FHIT: variants seen among roughly 807,000 people sequenced by gnomAD.
FHIT encodes bis(5'-adenosyl)-triphosphatase.
A neutral mutation model predicts 17.9 loss-of-function variants in FHIT; 19 were observed. The ratio of observed to expected loss-of-function variants is 1.06; its 90% confidence interval spans 0.74 to 1.56. The LOEUF is 1.56. Among genes scored for constraint, FHIT ranks in the 40% most tolerant of loss-of-function variants. The pLI is 0.00. For missense variants in FHIT, 248 were observed against 189.2 expected (o/e 1.31, Z -1.82); for synonymous variants, 81 against 69.7 (o/e 1.16, Z -0.81).
chr3:60,719,691 C>T (rs2041766701), intron 4 of FHIT, among the ~76,000 whole-genome samples: 1 of 152,162 alleles, frequency 6.6e-6, no homozygotes. Flanking sequence ...AAGAGCCTCA[C>T]ACTGTAGTTT....
intron 7 of FHIT, 54 bp from the exon 8 acceptor site, chr3:59,922,468 G>C: frequency 6.9e-7 from 1 of 1,451,946 alleles, no homozygotes; most frequent in Non-Finnish European, 9.6e-7. Context: ...TGTATTTTTA[G>C]ACTTGACAGT....
At chr3:60,284,132 CA>C (rs1289118867) in intron 5 of FHIT, among the ~76,000 whole-genome samples, 1 of 152,082 alleles carries the variant, frequency 6.6e-6, no homozygotes, top group Non-Finnish European at 1.5e-5. Context: ...GTATATATTA[CA>C]CTATTTGTCT....
intron 3 of FHIT, among the ~76,000 whole-genome samples, chr3:61,005,563 T>C (rs1200061007): frequency 6.6e-6 from 1 of 152,198 alleles, no homozygotes; most frequent in Non-Finnish European, 1.5e-5. Flanking sequence ...ACACGAAGAA[T>C]TCCTTAAATA....
intron 2 of FHIT, among the ~76,000 whole-genome samples, chr3:61,070,144 T>A (rs2034754739): frequency 6.6e-6 from 1 of 152,178 alleles, no homozygotes; most frequent in Admixed American, 6.5e-5. Context: ...TCCACTCAAC[T>A]CGGCTTCCCA....
At chr3:61,237,793 A>G (rs1321152581) in intron 1 of FHIT, among the ~76,000 whole-genome samples, 1 of 152,234 alleles carries the variant, frequency 6.6e-6, no homozygotes, top group Non-Finnish European at 1.5e-5. Context: ...CGAAGCTCAG[A>G]GAGGTTGAGC....
chr3:60,164,114 T>A (rs919016557), intron 5 of FHIT, among the ~76,000 whole-genome samples: 1 of 152,140 alleles, frequency 6.6e-6, no homozygotes, highest in Non-Finnish European at 1.5e-5. Flanking sequence ...TAAACTTAAG[T>A]AGGTAGCTAG....
At chr3:60,166,086 C>T (rs1423503970) in intron 5 of FHIT, among the ~76,000 whole-genome samples, 4 of 151,844 alleles carry the variant, frequency 2.6e-5, no homozygotes, top group African/African-American at 7.3e-5. Flanking sequence ...TTTTTTCTAC[C>T]TCCAATATTA....
intron 5 of FHIT, among the ~76,000 whole-genome samples, chr3:60,356,877 G>C (rs1053617131): frequency 2.0e-5 from 3 of 150,800 alleles, no homozygotes; most frequent in African/African-American, 7.4e-5. Flanking sequence ...TTCAGGCAGA[G>C]AACATCTATT....
rs904458602 is a variant in FHIT at position 61,069,457 on chromosome 3, G to A, written c.-163-27358C>T. Among the ~76,000 whole-genome samples, 6 of 152,160 alleles carry A rather than the reference G, an allele frequency of 3.9e-5. No homozygotes were observed. The East Asian group carries it at 9.6e-4, about 24-fold the overall frequency. The stretch of plus-strand genomic sequence containing the variant: ...CCAACATCTCGCAGATGATTCTAAC[G>A]TGTAGCCATGATTAAGGACTGTTAT... On this transcript the variant is annotated intron_variant, in intron 2 of 9. Coordinates refer to ENST00000492590, the MANE Select transcript of FHIT (RefSeq NM_002012.4).
chr3:59,971,375 G>A (rs1477887482), intron 7 of FHIT, among the ~76,000 whole-genome samples: 2 of 152,132 alleles, frequency 1.3e-5, no homozygotes, highest in Non-Finnish European at 2.9e-5. Flanking sequence ...TTATAATGAG[G>A]ATTCCATTGT....
At chr3:60,764,204 A>G (rs538367324) in intron 4 of FHIT, among the ~76,000 whole-genome samples, 2 of 152,174 alleles carry the variant, frequency 1.3e-5, no homozygotes, top group South Asian at 2.1e-4. Flanking sequence ...GGGGCATGCT[A>G]TCAATTTCTC....
At chr3:60,949,635 A>G (rs1423717692) in intron 3 of FHIT, among the ~76,000 whole-genome samples, 1 of 152,188 alleles carries the variant, frequency 6.6e-6, no homozygotes, top group Non-Finnish European at 1.5e-5. Context: ...TGCCCAATCA[A>G]TAAGATATTT....
intron 7 of FHIT, among the ~76,000 whole-genome samples, chr3:59,954,811 G>C (rs1970842): frequency 0.048 from 7,306 of 152,172 alleles, 238 homozygotes; most frequent in Admixed American, 0.1. Context: ...ATTCCAACTG[G>C]TTTCTTTTGA....
intron 4 of FHIT, among the ~76,000 whole-genome samples, chr3:60,543,469 G>GAATGCTGCA (rs1222977225): frequency 3.3e-5 from 5 of 152,164 alleles, no homozygotes; most frequent in African/African-American, 1.2e-4. Flanking sequence ...AGCCATTTAT[G>GAATGCTGCA]AATGCTGCAT....
At chr3:60,391,003 A>G (rs989577432) in intron 5 of FHIT, among the ~76,000 whole-genome samples, 4 of 152,046 alleles carry the variant, frequency 2.6e-5, no homozygotes, top group Admixed American at 2.6e-4. Context: ...AACATGGTGA[A>G]ACCTTGTGTG....
At chr3:61,105,164 AT>A (rs558098237) in intron 2 of FHIT, among the ~76,000 whole-genome samples, 1 of 151,984 alleles carries the variant, frequency 6.6e-6, no homozygotes, top group Non-Finnish European at 1.5e-5. Context: ...AGTTTTCAGG[AT>A]TCTTGTGCTG....
intron 4 of FHIT, among the ~76,000 whole-genome samples, chr3:60,596,363 C>T (rs1054844430): frequency 1.3e-5 from 2 of 152,152 alleles, no homozygotes; most frequent in African/African-American, 4.8e-5. Context: ...CAACCTTGGC[C>T]TTGCCGACAC....
At chr3:60,449,727 T>C (rs2031591783) in intron 5 of FHIT, among the ~76,000 whole-genome samples, 1 of 151,960 alleles carries the variant, frequency 6.6e-6, no homozygotes. Flanking sequence ...AAAAGGTAGC[T>C]GGCGTGGTGA....
intron 7 of FHIT, among the ~76,000 whole-genome samples, chr3:59,942,673 C>T (rs1235899423): frequency 2.0e-5 from 3 of 151,994 alleles, no homozygotes; most frequent in Admixed American, 6.6e-5. Flanking sequence ...TTTAGAGACA[C>T]GGTCTTGCTC....
Sources: allele counts gnomAD v4.1 joint callset (sites outside exome capture counted in the v4.1 genomes callset), GRCh38; gene constraint gnomAD v4.1.1; transcripts MANE v1.5; gene names NCBI Gene and HGNC (gene_info 2026-07-23, HGNC 2026-07-21).